PTPRT: variants seen among roughly 807,000 people sequenced by gnomAD.
PTPRT encodes the protein receptor-type tyrosine-protein phosphatase T.
A neutral mutation model predicts 176.8 loss-of-function variants in PTPRT; 56 were observed. The observed-to-expected ratio is 0.32, with a 90% CI of 0.26 to 0.40. The LOEUF (loss-of-function observed/expected upper bound fraction) is 0.40, where lower values mean the gene tolerates loss of function less well. Among genes scored for constraint, PTPRT ranks in the 10% least tolerant of loss-of-function variants. The pLI, the probability that PTPRT is intolerant of heterozygous loss-of-function variation, is 1.00. For missense variants in PTPRT, 1,540 were observed against 1,908.2 expected, an observed-to-expected ratio of 0.81 and a Z score of 3.60; for synonymous variants, 783 against 739.0, an observed-to-expected ratio of 1.06 and a Z score of -0.96.
chr20:42,715,872 T>TG (rs1191851353), intron 6 of PTPRT, among the ~76,000 whole-genome samples: 2 of 152,194 alleles, frequency 1.3e-5, no homozygotes, highest in Non-Finnish European at 2.9e-5. Flanking sequence ...AAAGCTTGTA[T>TG]GGAAGTATAA....
At chr20:42,678,706 T>A (rs2075551281) in intron 6 of PTPRT, among the ~76,000 whole-genome samples, 1 of 152,226 alleles carries the variant, frequency 6.6e-6, no homozygotes, top group Admixed American at 6.5e-5. Flanking sequence ...CTACCTTATC[T>A]CCTTCATTTA....
intron 1 of PTPRT, among the ~76,000 whole-genome samples, chr20:43,174,648 CTT>C (rs1266508156): frequency 1.3e-5 from 2 of 152,256 alleles, no homozygotes; most frequent in East Asian, 3.9e-4. Context: ...TCTGTATACT[CTT>C]TTGGGTTTAG....
chr20:42,603,671 A>G (rs1331876432), intron 7 of PTPRT, among the ~76,000 whole-genome samples: 1 of 152,238 alleles, frequency 6.6e-6, no homozygotes, highest in Non-Finnish European at 1.5e-5. Context: ...CTCGATAAGA[A>G]GTGAAGAATG....
At chr20:42,564,706 A>G (rs893670785) in intron 7 of PTPRT, among the ~76,000 whole-genome samples, 1 of 152,200 alleles carries the variant, frequency 6.6e-6, no homozygotes, top group Non-Finnish European at 1.5e-5. Flanking sequence ...ATGTATATCT[A>G]TGTAACAAAC....
intron 7 of PTPRT, among the ~76,000 whole-genome samples, chr20:42,600,856 T>G (rs966262501): frequency 1.3e-5 from 2 of 152,198 alleles, no homozygotes; most frequent in Non-Finnish European, 2.9e-5. Context: ...CAGTCCTCTG[T>G]TAACGGACAC....
chr20:42,443,402 G>A (rs188129049), intron 9 of PTPRT, among the ~76,000 whole-genome samples: 1 of 152,304 alleles, frequency 6.6e-6, no homozygotes, highest in Admixed American at 6.5e-5. Flanking sequence ...CTAGTTTGTG[G>A]ACACAAGGCC....
intron 1 of PTPRT, among the ~76,000 whole-genome samples, chr20:43,116,243 AACCACTGACTCTCAGAT>A (rs1412486861): frequency 2.0e-5 from 3 of 152,178 alleles, no homozygotes; most frequent in Admixed American, 6.5e-5. Flanking sequence ...TGCCGCATGG[AACCACTGACTCTCAGAT>A]ACCACTGACT....
chr20:42,771,673 C>T lies in PTPRT; in HGVS notation c.569-123G>A, dbSNP rs369266262. ...TGGAACTGGCACTTAAGAAGTAGCC[C>T]GGCTCAGTCAAGATTTCATTGATCA... On this transcript the variant is annotated intron_variant, in intron 4 of 30. Coordinates refer to ENST00000373187, the MANE Select transcript of PTPRT (RefSeq NM_007050.6). The T allele has an allele frequency of 1.1e-4, 82 of 727,836 alleles. 1 individual carries two copies. The highest frequency in any genetic ancestry group is 1.6e-4 in the Non-Finnish European group (67 of 413,826). 45.1% of individuals were successfully genotyped at this position (727,836 alleles called of 1,614,324 possible). A position where few individuals can be genotyped will look rare whatever the true frequency, so the allele number is the denominator to read the frequency against.
At chr20:42,033,554 C>T in the PTPRT span, among the ~76,000 whole-genome samples, 4 of 152,092 alleles carry the variant, frequency 2.6e-5, no homozygotes, top group Non-Finnish European at 4.4e-5. Context: ...CTGTAAAAGG[C>T]TCCTACCCCA....
At position 42,472,488 on chromosome 20, in the gene PTPRT, A is replaced by C; in HGVS notation, c.1228T>G (p.Phe410Val). Residue 410 changes from phenylalanine (F) to valine (V), a missense_variant, in exon 8 of 31, where the codon TTC becomes GTC. Physicochemically the swap from Phe to Val is conservative, Grantham distance 50 (BLOSUM62 -1). This residue lies in a region of PTPRT where 273 missense variants were observed against 432.1 expected (regional missense o/e 0.63). Coordinates refer to ENST00000373187, the MANE Select transcript of PTPRT (RefSeq NM_007050.6). ...TGGCAGCGGGTCACCGCGTAGCCGA[A>C]GGGCTCCCACTGCAGGGTCAGCTGC... is the stretch of plus-strand genomic sequence containing the variant. ...ARQLTLQWEP[F>V]GYAVTRCHSY... 6.2e-7 allele frequency: 1 copy of C among 1,614,272 alleles called. No individual in the cohort carries two copies. Among genetic ancestry groups the C allele is most frequent in the Non-Finnish European group, 8.5e-7 (1 of 1,180,052 alleles).
chr20:42,045,769 C>T, the PTPRT span, among the ~76,000 whole-genome samples: 15 of 152,190 alleles, frequency 9.9e-5, no homozygotes, highest in South Asian at 2.5e-3. Context: ...CATACCTGAA[C>T]AACTGAGGCC....
intron 1 of PTPRT, among the ~76,000 whole-genome samples, chr20:43,151,167 A>G (rs1400103325): frequency 3.3e-5 from 5 of 151,936 alleles, no homozygotes; most frequent in Admixed American, 6.6e-5. Context: ...TTAGCCAGGC[A>G]TGGTGGCTTG....
At chr20:42,229,878 G>C (rs1568690741) in intron 15 of PTPRT, among the ~76,000 whole-genome samples, 2 of 152,048 alleles carry the variant, frequency 1.3e-5, no homozygotes, top group Non-Finnish European at 2.9e-5. Flanking sequence ...TTCAAGAACA[G>C]AGTACCACCC....
chr20:43,020,713 T>A (rs1985635357), intron 1 of PTPRT, among the ~76,000 whole-genome samples: 1 of 152,200 alleles, frequency 6.6e-6, no homozygotes, highest in Non-Finnish European at 1.5e-5. Context: ...TATTTGTAAT[T>A]AAACTTATTT....
intron 1 of PTPRT, among the ~76,000 whole-genome samples, chr20:42,990,184 G>A (rs751244053): frequency 4.6e-5 from 7 of 152,146 alleles, no homozygotes; most frequent in Admixed American, 1.3e-4. Flanking sequence ...GCATGATGGT[G>A]AACAACTTAG....
chr20:42,302,029 A>C (rs1220927347), intron 12 of PTPRT, among the ~76,000 whole-genome samples: 1 of 152,152 alleles, frequency 6.6e-6, no homozygotes, highest in African/African-American at 2.4e-5. Context: ...AAAAATTGAG[A>C]CATTCAAATT....
At chr20:42,395,457 C>A (rs1299642170) in intron 9 of PTPRT, among the ~76,000 whole-genome samples, 2 of 152,130 alleles carry the variant, frequency 1.3e-5, no homozygotes, top group Non-Finnish European at 2.9e-5. Context: ...GGCTTTTTCC[C>A]TTTCCATTGG....
At chr20:42,962,515 T>C (rs1429128420) in intron 1 of PTPRT, among the ~76,000 whole-genome samples, 1 of 151,846 alleles carries the variant, frequency 6.6e-6, no homozygotes, top group Non-Finnish European at 1.5e-5. Flanking sequence ...ACATCCTGAA[T>C]AACATTTTTC....
chr20:42,633,993 T>TAATATATATAATATTATATATA (rs1569038039), intron 7 of PTPRT, among the ~76,000 whole-genome samples: 1 of 23,862 alleles, frequency 4.2e-5, no homozygotes, highest in African/African-American at 2.1e-4. Flanking sequence ...TATTATATTA[T>TAATATATATAATATTATATATA]ATATATTATA....
Sources: gnomAD v4.1 joint callset for allele counts (sites outside exome capture counted in the v4.1 genomes callset) on GRCh38, gnomAD v4.1.1 for gene constraint, gnomAD v4.1.1 regional missense constraint, MANE v1.5 for transcripts, NCBI Gene and HGNC (gene_info 2026-07-23, HGNC 2026-07-21) for gene names.